The following CNTNAP2 variants were observed in gnomAD, a reference collection of about 807,000 sequenced individuals.
CNTNAP2 encodes the protein contactin associated protein 2.
CNTNAP2 carries 98 observed loss-of-function variants against 155.2 expected under a neutral mutation model. The ratio of observed to expected loss-of-function variants is 0.63; its 90% CI spans 0.54 to 0.75. The LOEUF is 0.75. Ranked by LOEUF, CNTNAP2 falls within the 30% of genes least tolerant of loss-of-function variation. CNTNAP2 has a pLI of 0.00. For missense variants in CNTNAP2, 1,727 were observed against 1,688.1 expected (o/e 1.02, Z -0.40); for synonymous variants, 651 against 631.2 (o/e 1.03, Z -0.47).
intron 1 of CNTNAP2, among the ~76,000 whole-genome samples, chr7:146,556,447 C>T (rs979818988): frequency 6.6e-6 from 1 of 152,092 alleles, no homozygotes; most frequent in Admixed American, 6.6e-5. Context: ...TAACATAACG[C>T]ATGTAAATCA....
At chr7:147,545,749 C>T (rs111554212) in intron 11 of CNTNAP2, among the ~76,000 whole-genome samples, 2,802 of 152,218 alleles carry the variant, frequency 0.018, 97 homozygotes, top group African/African-American at 0.065. Context: ...ACTTTTAAAA[C>T]CTAAGGTTGC....
At chr7:147,490,230 A>C (rs1221773618) in intron 11 of CNTNAP2, among the ~76,000 whole-genome samples, 1 of 152,196 alleles carries the variant, frequency 6.6e-6, no homozygotes, top group Non-Finnish European at 1.5e-5. Flanking sequence ...TTCTCTTTTA[A>C]TTTTAAAATC....
At chr7:147,671,388 A>T (rs1795784552) in intron 13 of CNTNAP2, among the ~76,000 whole-genome samples, 1 of 152,248 alleles carries the variant, frequency 6.6e-6, no homozygotes, top group Non-Finnish European at 1.5e-5. Context: ...AAAAGGCTGC[A>T]GCTCTCAGAA....
chr7:148,053,777 A>G (rs763229496), intron 15 of CNTNAP2, among the ~76,000 whole-genome samples: 8 of 152,174 alleles, frequency 5.3e-5, no homozygotes, highest in East Asian at 1.9e-4. Context: ...ACGAAAGGTA[A>G]TAAGTTTTAT....
At chr7:147,114,950 G>T (rs1159158426) in intron 5 of CNTNAP2, among the ~76,000 whole-genome samples, 4 of 152,158 alleles carry the variant, frequency 2.6e-5, no homozygotes, top group African/African-American at 7.2e-5. Context: ...GCTGGTAATG[G>T]TTTTTCCTTT....
intron 8 of CNTNAP2, among the ~76,000 whole-genome samples, chr7:147,205,999 A>G (rs1337053225): frequency 6.6e-6 from 1 of 152,124 alleles, no homozygotes; most frequent in African/African-American, 2.4e-5. Flanking sequence ...AAAATTTCAC[A>G]TTTACCCCAT....
chr7:147,199,244 G>C (rs1802872289), intron 8 of CNTNAP2, among the ~76,000 whole-genome samples: 1 of 152,084 alleles, frequency 6.6e-6, no homozygotes, highest in Admixed American at 6.5e-5. Flanking sequence ...TTACAGGCGT[G>C]AGCCACCGCG....
At chr7:146,953,482 T>C (rs1212172796) in intron 3 of CNTNAP2, among the ~76,000 whole-genome samples, 1 of 152,012 alleles carries the variant, frequency 6.6e-6, no homozygotes, top group African/African-American at 2.4e-5. Context: ...ATTCATTCAG[T>C]AAATGCTAGC....
chr7:148,250,407 T>C (rs1037685905), intron 20 of CNTNAP2, among the ~76,000 whole-genome samples: 4 of 152,254 alleles, frequency 2.6e-5, no homozygotes, highest in African/African-American at 9.6e-5. Context: ...TGGGGCTTTT[T>C]GTTCACTGAT....
intron 6 of CNTNAP2, among the ~76,000 whole-genome samples, chr7:147,124,604 C>T (rs780887633): frequency 4.6e-5 from 7 of 152,124 alleles, no homozygotes; most frequent in Admixed American, 6.5e-5. Flanking sequence ...AGAACATATA[C>T]GAAAGTAAAG....
chr7:147,873,139 G>C (rs995990109), intron 13 of CNTNAP2, among the ~76,000 whole-genome samples: 4 of 152,138 alleles, frequency 2.6e-5, no homozygotes, highest in Non-Finnish European at 5.9e-5. Context: ...GCTCCAGCTT[G>C]GGATCAAGAA....
chr7:146,614,674 CAAG>C (rs1452250512), intron 1 of CNTNAP2, among the ~76,000 whole-genome samples: 1 of 152,098 alleles, frequency 6.6e-6, no homozygotes, highest in African/African-American at 2.4e-5. Flanking sequence ...TGCATGCTGA[CAAG>C]AAGGCAATAA....
At chr7:147,599,509 C>T (rs1328654909) in intron 12 of CNTNAP2, among the ~76,000 whole-genome samples, 6 of 146,146 alleles carry the variant, frequency 4.1e-5, no homozygotes, top group Admixed American at 6.9e-5. Flanking sequence ...AAAAAAATAC[C>T]ATGAACTAGG....
chr7:147,118,030 T>C (rs1801024204), intron 5 of CNTNAP2, among the ~76,000 whole-genome samples: 1 of 152,070 alleles, frequency 6.6e-6, no homozygotes, highest in African/African-American at 2.4e-5. Flanking sequence ...ATTATACCAC[T>C]GCATAATAAT....
At chr7:148,193,484 A>C (rs1438168176) in intron 18 of CNTNAP2, among the ~76,000 whole-genome samples, 1 of 152,196 alleles carries the variant, frequency 6.6e-6, no homozygotes, top group Non-Finnish European at 1.5e-5. Flanking sequence ...ACATTTTCAT[A>C]ATTTTTTTTT....
intron 6 of CNTNAP2, among the ~76,000 whole-genome samples, chr7:147,125,041 C>T (rs1183681210): frequency 2.6e-5 from 4 of 151,766 alleles, no homozygotes; most frequent in South Asian, 2.1e-4. Context: ...CCACTATGCC[C>T]GGCTATTTTT....
At chr7:147,219,815 G>A (rs1046317954) in intron 8 of CNTNAP2, among the ~76,000 whole-genome samples, 2 of 151,908 alleles carry the variant, frequency 1.3e-5, no homozygotes, top group Non-Finnish European at 2.9e-5. Flanking sequence ...ACTCTCTGTC[G>A]CCCAGGCTGG....
chr7:147,617,185 C>G (rs987947895), intron 12 of CNTNAP2, among the ~76,000 whole-genome samples: 4 of 152,164 alleles, frequency 2.6e-5, no homozygotes, highest in South Asian at 2.1e-4. Context: ...TCATGGTTCA[C>G]GACAAATGCT....
At chr7:146,474,276 A>G (rs13237540) in intron 1 of CNTNAP2, among the ~76,000 whole-genome samples, 1 of 148,850 alleles carries the variant, frequency 6.7e-6, no homozygotes, top group Non-Finnish European at 1.5e-5. Context: ...TTATATATAT[A>G]TTTCATTTAT....
Sources: gnomAD v4.1 joint callset for allele counts (sites outside exome capture counted in the v4.1 genomes callset) on GRCh38, gnomAD v4.1.1 for gene constraint, MANE v1.5 for transcripts, NCBI Gene and HGNC (gene_info 2026-07-23, HGNC 2026-07-21) for gene names.